ANKRD13C: variants seen among roughly 807,000 people sequenced by gnomAD.
The protein encoded by ANKRD13C is ankyrin repeat domain-containing protein 13C.
Under a neutral mutation model 65.5 loss-of-function variants are expected in ANKRD13C, and 16 were observed. That is an observed-to-expected ratio of 0.24 (90% CI 0.17 to 0.37). The LOEUF (loss-of-function observed/expected upper bound fraction) is 0.37. Ranked by LOEUF, ANKRD13C falls within the 10% of genes least tolerant of loss-of-function variation. The pLI, the probability that ANKRD13C is intolerant of heterozygous loss-of-function variation, is 1.00. For synonymous variants in ANKRD13C, 235 were observed against 238.7 expected, an observed-to-expected ratio of 0.98 and a Z score of 0.14; for missense variants, 503 against 655.9, an observed-to-expected ratio of 0.77 and a Z score of 2.55.
intron 9 of ANKRD13C, among the ~76,000 whole-genome samples, chr1:70,278,620 G>A (rs554631121): frequency 6.6e-6 from 1 of 152,216 alleles, no homozygotes; most frequent in South Asian, 2.1e-4. Context: ...AAGACAATAA[G>A]TGAAAGACTA....
At chr1:70,286,529 C>T (rs1340625945) in intron 9 of ANKRD13C, among the ~76,000 whole-genome samples, 2 of 151,964 alleles carry the variant, frequency 1.3e-5, no homozygotes, top group Non-Finnish European at 2.9e-5. Context: ...CCATGTGCAC[C>T]TGCTCATACC....
chr1:70,324,368 C>CAA (rs1558301446), intron 3 of ANKRD13C, among the ~76,000 whole-genome samples: 1 of 152,068 alleles, frequency 6.6e-6, no homozygotes, highest in Non-Finnish European at 1.5e-5. Context: ...AGCATATTAT[C>CAA]AAAAAGAATA....
chr1:70,300,897 G>A lies in ANKRD13C; in HGVS notation c.788C>T (p.Thr263Ile). Residue 263 changes from threonine (T) to isoleucine (I), a missense_variant, in exon 7 of 13, where the codon ACT (threonine) becomes ATT (isoleucine). Physicochemically the swap from Thr to Ile is moderately conservative, Grantham distance 89. Around this residue, in one of 2 missense-constraint regions of ANKRD13C, gnomAD observed 300 missense variants for 478.3 expected, o/e 0.63. Coordinates refer to ENST00000370944, the MANE Select transcript of ANKRD13C (RefSeq NM_030816.5). ...CTTCATGTCAGTAAAGTCTATGAGA[G>A]TTGTGTCAAGCCTGTGAAACATGGG... Reference protein sequence around the residue: ...KQGINIRLDTTLIDFTDMKCQ... With the variant: ...KQGINIRLDTILIDFTDMKCQ... 1 of 1,610,852 alleles carries A rather than the reference G, an allele frequency of 6.2e-7. No individual in the cohort carries two copies. The highest frequency in any genetic ancestry group is 8.5e-7 in the Non-Finnish European group (1 of 1,179,166).
At position 70,262,797 on chromosome 1, in the gene ANKRD13C, G is replaced by A; in HGVS notation, c.1546C>T (p.Arg516Ter). 1.9e-6 allele frequency: 3 copies of A among 1,613,442 alleles called. No homozygotes were observed. Among genetic ancestry groups the A allele is most frequent in the Non-Finnish European group, 2.5e-6 (3 of 1,179,588 alleles). Residue 516 changes from arginine to a stop codon, truncating the protein, a stop_gained, in exon 13 of 13, where the codon CGA becomes TGA. Transcript: ENST00000370944. LOFTEE classifies it high-confidence loss of function. ...ITATVTFQEF[R>*]YDEFDGSIFT... ...ATGGAGCCATCAAATTCATCGTATC[G>A]AAACTCCTGAAAAGTCACAGTGGCT...
Position 70,354,660 on chromosome 1 carries a change from C to T in ANKRD13C, c.-252G>A. ...CCACGACACCAGGATCTCAGTCTCGCCGTCGCAGCCGCCGTCGCTGCCTTA... is the reference window on the plus strand; with the variant it reads ...CCACGACACCAGGATCTCAGTCTCGTCGTCGCAGCCGCCGTCGCTGCCTTA... On this transcript the variant is annotated 5_prime_UTR_variant, in exon 1 of 13. Transcript: ENST00000370944. The T allele has an allele frequency of 1.1e-6, 1 of 899,170 alleles. No individual in the cohort carries two copies. Among genetic ancestry groups the T allele is most frequent in the Non-Finnish European group, 1.6e-6 (1 of 612,018 alleles). The allele number at this position is 899,170 out of a possible 1,614,324, so 55.7% of individuals were successfully genotyped here.
At chr1:70,328,864 T>A (rs12563524) in intron 2 of ANKRD13C, among the ~76,000 whole-genome samples, 30,822 of 151,936 alleles carry the variant, frequency 0.2, 3,199 homozygotes, top group Middle Eastern at 0.3. Flanking sequence ...AAATTTTTTT[T>A]AAAAAGAATA....
chr1:70,353,897 G>T (rs907173188), intron 1 of ANKRD13C, 82 bp downstream of exon 1: 9 of 1,423,856 alleles, frequency 6.3e-6, no homozygotes, highest in Non-Finnish European at 9.2e-7. Context: ...CTGCTGGAGG[G>T]GGCCTAGGAT....
chr1:70,271,559 T>C (rs1029040572), intron 11 of ANKRD13C, among the ~76,000 whole-genome samples: 1 of 152,212 alleles, frequency 6.6e-6, no homozygotes, highest in Admixed American at 6.5e-5. Flanking sequence ...GTTGCCTCCA[T>C]ACATAAATTA....
chr1:70,263,936 T>C (rs1678493651), intron 12 of ANKRD13C, among the ~76,000 whole-genome samples: 1 of 152,180 alleles, frequency 6.6e-6, no homozygotes, highest in Admixed American at 6.5e-5. Flanking sequence ...TATGTTCTTA[T>C]GTAAAAAGGA....
intron 2 of ANKRD13C, among the ~76,000 whole-genome samples, chr1:70,325,669 G>C (rs1292339281): frequency 6.6e-6 from 1 of 152,014 alleles, no homozygotes; most frequent in Non-Finnish European, 1.5e-5. Flanking sequence ...ACGAGGTCAG[G>C]AGATCGAGAC....
intron 1 of ANKRD13C, among the ~76,000 whole-genome samples, chr1:70,336,747 C>T (rs539731179): frequency 5.9e-5 from 9 of 151,992 alleles, no homozygotes; most frequent in Middle Eastern, 3.4e-3. Flanking sequence ...ATTTGGGAAA[C>T]AAACAAACAG....
intron 9 of ANKRD13C, among the ~76,000 whole-genome samples, chr1:70,281,636 C>A (rs1452395770): frequency 6.6e-6 from 1 of 151,532 alleles, no homozygotes; most frequent in Admixed American, 6.6e-5. Context: ...AACTCCTGAG[C>A]TCAAGCAATC....
chr1:70,329,541 G>GA (rs929324873), intron 2 of ANKRD13C, among the ~76,000 whole-genome samples: 3 of 150,588 alleles, frequency 2.0e-5, no homozygotes, highest in Non-Finnish European at 3.0e-5. Flanking sequence ...AAAAGAAAAA[G>GA]AAAAAAAAGA....
In ANKRD13C at chr1:70,336,054, T is replaced by C; in HGVS notation, c.472+4A>G. 1 of 815,892 alleles carries C rather than the reference T, an allele frequency of 1.2e-6. No individual in the cohort carries two copies. Among genetic ancestry groups the C allele is most frequent in the Non-Finnish European group, 1.7e-6 (1 of 581,788 alleles). 50.5% of individuals were successfully genotyped at this position (815,892 alleles called of 1,614,324 possible). On this transcript the variant is annotated splice_donor_region_variant and intron_variant, in intron 2 of 12. Transcript: ENST00000370944. Reference sequence around the variant, plus strand: ...AAACATAAAAAAAGAAAATATTTACTAACCTTTATTTCCTAACATCACAGC... The same window carrying C: ...AAACATAAAAAAAGAAAATATTTACCAACCTTTATTTCCTAACATCACAGC...
rs1678390882 is a variant in ANKRD13C at position 70,261,590 on chromosome 1, CAATG to C, written c.*1123_*1126del. 1 of 151,898 alleles carries C rather than the reference CAATG, an allele frequency of 6.6e-6. No homozygotes were observed. Among genetic ancestry groups the C allele is most frequent in the Admixed American group, 6.6e-5 (1 of 15,222 alleles). The allele number at this position is 151,898 out of a possible 1,614,324, so 9.4% of individuals were successfully genotyped here. On this transcript the variant is annotated 3_prime_UTR_variant, in exon 13 of 13. Coordinates refer to ENST00000370944, the MANE Select transcript of ANKRD13C (RefSeq NM_030816.5). Reference sequence around the variant, plus strand: ...ATACATGATTTTATCACTTTGGAGACAATGAAATCAATATTTTCCTGTGATTTAA... The same window carrying C: ...ATACATGATTTTATCACTTTGGAGACAAATCAATATTTTCCTGTGATTTAA...
chr1:70,299,992 G>A (rs1468524532), intron 7 of ANKRD13C, among the ~76,000 whole-genome samples: 1 of 152,058 alleles, frequency 6.6e-6, no homozygotes, highest in East Asian at 1.9e-4. Context: ...AAATCATGTC[G>A]TACTTGAAGA....
At chr1:70,284,861 T>C (rs781016857) in intron 9 of ANKRD13C, among the ~76,000 whole-genome samples, 6 of 152,342 alleles carry the variant, frequency 3.9e-5, no homozygotes, top group Non-Finnish European at 7.3e-5. Context: ...GAGGTGTATA[T>C]GAATTCAGTT....
intron 12 of ANKRD13C, among the ~76,000 whole-genome samples, chr1:70,264,960 G>A (rs1028806765): frequency 3.9e-5 from 6 of 152,136 alleles, no homozygotes; most frequent in East Asian, 1.9e-4. Flanking sequence ...AGAAGAACAC[G>A]AAGTACAAAA....
At chr1:70,266,421 TATAAA>T (rs1385094169) in intron 12 of ANKRD13C, among the ~76,000 whole-genome samples, 1 of 152,248 alleles carries the variant, frequency 6.6e-6, no homozygotes, top group Non-Finnish European at 1.5e-5. Flanking sequence ...ATAAAGCTGA[TATAAA>T]ATAAACATTT....
Sources: allele counts gnomAD v4.1 joint callset (sites outside exome capture counted in the v4.1 genomes callset), GRCh38; gene constraint gnomAD v4.1.1; regional missense constraint gnomAD v4.1.1; transcripts MANE v1.5; gene names NCBI Gene and HGNC (gene_info 2026-07-23, HGNC 2026-07-21).